Variants in SPOCK3 observed in about 807,000 individuals in gnomAD.
SPOCK3 encodes testican-3.
SPOCK3 carries 30 observed loss-of-function variants against 56.6 expected under a neutral mutation model. The ratio of observed to expected loss-of-function variants is 0.53; its 90% CI spans 0.40 to 0.72. SPOCK3 has a LOEUF of 0.72. Among genes scored for constraint, SPOCK3 ranks in the 30% least tolerant of loss-of-function variants. The pLI is 0.00. For synonymous variants in SPOCK3, 196 were observed against 183.3 expected, an observed-to-expected ratio of 1.07 and a Z score of -0.56; for missense variants, 527 against 530.0, an observed-to-expected ratio of 0.99 and a Z score of 0.06.
At chr4:167,109,457 CAT>C (rs1401695719) in intron 2 of SPOCK3, among the ~76,000 whole-genome samples, 4 of 91,056 alleles carry the variant, frequency 4.4e-5, no homozygotes, top group African/African-American at 1.7e-4. Flanking sequence ...TATTTATATA[CAT>C]ATATAGTTAT....
At chr4:167,226,138 A>G (rs772864808) in intron 2 of SPOCK3, among the ~76,000 whole-genome samples, 9 of 152,194 alleles carry the variant, frequency 5.9e-5, no homozygotes, top group Non-Finnish European at 1.2e-4. Context: ...GCTCAAAAAG[A>G]TTTCACAGAA....
chr4:166,961,000 C>T (rs1744081833), intron 4 of SPOCK3, among the ~76,000 whole-genome samples: 1 of 152,086 alleles, frequency 6.6e-6, no homozygotes, highest in South Asian at 2.1e-4. Context: ...GGTAAATAAT[C>T]TGGCAGTTGT....
intron 2 of SPOCK3, among the ~76,000 whole-genome samples, chr4:167,109,249 A>C (rs1370033398): frequency 1.1e-5 from 1 of 89,768 alleles, no homozygotes; most frequent in African/African-American, 4.5e-5. Flanking sequence ...ATATTTATTT[A>C]TTATATATTT....
chr4:166,998,674 G>C (rs1007378540), intron 4 of SPOCK3, among the ~76,000 whole-genome samples: 14 of 152,044 alleles, frequency 9.2e-5, no homozygotes, highest in Non-Finnish European at 1.5e-4. Flanking sequence ...TTGGGTTCAC[G>C]GGGCCAGGGG....
At chr4:167,109,377 TATAAAATATATAAATATATATTTA>T (rs1760641027) in intron 2 of SPOCK3, among the ~76,000 whole-genome samples, 4 of 25,888 alleles carry the variant, frequency 1.5e-4, no homozygotes, top group Non-Finnish European at 2.5e-4. Context: ...TATATATTTA[TATAAAATATATAAATATATATTTA>T]TATATAAATA....
intron 3 of SPOCK3, among the ~76,000 whole-genome samples, chr4:167,004,333 T>C (rs573235203): frequency 6.6e-6 from 1 of 152,122 alleles, no homozygotes; most frequent in East Asian, 1.9e-4. Flanking sequence ...ATGGAATAAA[T>C]AGCAAAAATG....
chr4:166,940,606 A>G lies in SPOCK3; in HGVS notation c.351-27863T>C, dbSNP rs906097797. ...CTCAAACTGACCCTTTGCTCATTGT[A>G]ATAATAAAAAACCCCTAGGAAGAGA... On this transcript the variant is annotated intron_variant, in intron 4 of 10. Transcript: ENST00000357545. 2.6e-5 allele frequency among the ~76,000 whole-genome samples: 4 copies of G among 151,608 alleles called. No homozygotes were observed. In the East Asian group the frequency reaches 8.0e-4, roughly 30 times the overall value.
At chr4:166,996,816 T>C (rs1748427369) in intron 4 of SPOCK3, among the ~76,000 whole-genome samples, 1 of 152,144 alleles carries the variant, frequency 6.6e-6, no homozygotes, top group African/African-American at 2.4e-5. Flanking sequence ...AAAACTATGA[T>C]TCACCTAATC....
intron 8 of SPOCK3, among the ~76,000 whole-genome samples, chr4:166,746,963 AACAGAC>A (rs2126441711): frequency 6.6e-6 from 1 of 152,318 alleles, no homozygotes; most frequent in African/African-American, 2.4e-5. Context: ...ATAGACCAAT[AACAGAC>A]TCTGAAATTG....
intron 3 of SPOCK3, among the ~76,000 whole-genome samples, chr4:167,025,755 C>T (rs988576964): frequency 8.6e-5 from 13 of 151,926 alleles, no homozygotes; most frequent in African/African-American, 2.7e-4. Context: ...AAAAACACTA[C>T]GTAACATAAA....
chr4:166,769,810 C>T lies in SPOCK3; in HGVS notation c.710-15081G>A, dbSNP rs1034949077. ...GGTGGAGTCTACAGAGGCAGGCAGG[C>T]CTCCTTGAGCAGCAGTGGGCTCTAC... On this transcript the variant is annotated intron_variant, in intron 7 of 10. Coordinates refer to ENST00000357545, the MANE Select transcript of SPOCK3 (RefSeq NM_001040159.2). 4.6e-5 allele frequency among the ~76,000 whole-genome samples: 7 copies of T among 152,298 alleles called. 1 individual carries two copies. The highest frequency in any genetic ancestry group is 4.1e-4 in the South Asian group (2 of 4,824).
rs888526888 is a variant in SPOCK3, at chr4:167,165,791, A to C, written c.189+68194T>G. Among the ~76,000 whole-genome samples, 3 of 152,118 alleles carry C rather than the reference A, an allele frequency of 2.0e-5. No individual in the cohort carries two copies. In the East Asian group the frequency reaches 5.8e-4, roughly 29 times the overall value. On this transcript the variant is annotated intron_variant, in intron 2 of 10. Coordinates refer to ENST00000357545, the MANE Select transcript of SPOCK3 (RefSeq NM_001040159.2). Reference sequence around the variant, plus strand: ...ACCAAACTATTATAGATCACACAATATTGCAGTTGCATATAAGAGGGAGTT... The same window carrying C: ...ACCAAACTATTATAGATCACACAATCTTGCAGTTGCATATAAGAGGGAGTT...
chr4:166,814,544 C>T (rs1158075869), intron 6 of SPOCK3, among the ~76,000 whole-genome samples: 1 of 152,080 alleles, frequency 6.6e-6, no homozygotes, highest in African/African-American at 2.4e-5. Flanking sequence ...TCAGCTTTCT[C>T]CCTTGCTGGA....
chr4:167,062,315 A>T (rs2150246752), intron 3 of SPOCK3, among the ~76,000 whole-genome samples, 177 bp downstream of exon 3: 1 of 151,950 alleles, frequency 6.6e-6, no homozygotes, highest in South Asian at 2.1e-4. Context: ...ATAACTAATT[A>T]GCTTACTTCT....
rs529712448 is a variant in SPOCK3, at chr4:166,949,676, C to T, written c.351-36933G>A. Among the ~76,000 whole-genome samples the T allele has an allele frequency of 2.6e-5, 4 of 152,202 alleles. No individual in the cohort carries two copies. In the East Asian group the frequency reaches 7.8e-4, roughly 30 times the overall value. On this transcript the variant is annotated intron_variant, in intron 4 of 10. Transcript: ENST00000357545. The stretch of plus-strand genomic sequence containing the variant: ...AGCGGTTTTTCATGAACTGCAAATG[C>T]TGCTGTCTGATCGTTCCTCTGGAAG...
At chr4:167,062,450 G>A in intron 3 of SPOCK3, 42 bp downstream of exon 3, 1 of 1,425,792 alleles carries the variant, frequency 7.0e-7, no homozygotes, top group Non-Finnish European at 9.8e-7. Context: ...CAATGATTAT[G>A]AACATGTAAA....
intron 2 of SPOCK3, among the ~76,000 whole-genome samples, chr4:167,146,759 C>T (rs773077094): frequency 7.9e-5 from 12 of 151,992 alleles, no homozygotes; most frequent in South Asian, 4.2e-4. Flanking sequence ...TCTTTAAAAC[C>T]AATGAGAACA....
chr4:167,012,714 T>G (rs564488852), intron 3 of SPOCK3, among the ~76,000 whole-genome samples: 131 of 152,124 alleles, frequency 8.6e-4, no homozygotes, highest in Non-Finnish European at 1.5e-3. Context: ...AGCTTATTTG[T>G]GTGCTCTCAC....
chr4:167,195,408 G>C (rs1732844919), intron 2 of SPOCK3, among the ~76,000 whole-genome samples: 1 of 152,188 alleles, frequency 6.6e-6, no homozygotes, highest in African/African-American at 2.4e-5. Context: ...TCCCAAGAAG[G>C]TAATTAGGAG....
Sources: allele counts gnomAD v4.1 joint callset (sites outside exome capture counted in the v4.1 genomes callset), GRCh38; gene constraint gnomAD v4.1.1; transcripts MANE v1.5; gene names NCBI Gene and HGNC (gene_info 2026-07-23, HGNC 2026-07-21).